FHIT: variants seen among roughly 807,000 people sequenced by gnomAD.
The protein encoded by FHIT is bis(5'-adenosyl)-triphosphatase.
In FHIT, 19 loss-of-function variants were observed where a neutral mutation model predicts 17.9. That is an observed-to-expected ratio of 1.06 (90% CI 0.74 to 1.56). FHIT has a LOEUF of 1.56. FHIT is among the 40% of genes most tolerant of loss of function. FHIT has a pLI of 0.00. For synonymous variants in FHIT, 81 were observed against 69.7 expected (o/e 1.16, Z -0.81); for missense variants, 248 against 189.2 (o/e 1.31, Z -1.82).
At chr3:60,089,920 A>G (rs1488224066) in intron 5 of FHIT, among the ~76,000 whole-genome samples, 1 of 152,228 alleles carries the variant, frequency 6.6e-6, no homozygotes. Flanking sequence ...CTTAGAGATG[A>G]CAGAATAACG....
chr3:60,312,361 C>T (rs536803906), intron 5 of FHIT, among the ~76,000 whole-genome samples: 38 of 152,102 alleles, frequency 2.5e-4, no homozygotes, highest in African/African-American at 7.9e-4. Flanking sequence ...AGGCTGGTCT[C>T]GAACTCCTGA....
chr3:60,216,554 T>C (rs116516837), intron 5 of FHIT, among the ~76,000 whole-genome samples: 1,561 of 152,286 alleles, frequency 0.01, 24 homozygotes, highest in African/African-American at 0.035. Context: ...ACAAACCATT[T>C]AGAAAATGAT....
chr3:60,312,959 A>G (rs1002865757), intron 5 of FHIT, among the ~76,000 whole-genome samples: 2 of 152,236 alleles, frequency 1.3e-5, no homozygotes, highest in African/African-American at 2.4e-5. Context: ...AATGACACGC[A>G]TGAGACCGAG....
At chr3:60,067,856 T>A (rs1028711878) in intron 5 of FHIT, among the ~76,000 whole-genome samples, 1 of 152,180 alleles carries the variant, frequency 6.6e-6, no homozygotes, top group Non-Finnish European at 1.5e-5. Context: ...GACTAACAGT[T>A]TGAAGGGCAA....
rs143044351 is a variant in FHIT, at chr3:60,801,806, G to C, written c.-18+20113C>G. Among the ~76,000 whole-genome samples the C allele has an allele frequency of 6.1e-3, 932 of 152,212 alleles. 4 individuals carry two copies. Among genetic ancestry groups the C allele is most frequent in the African/African-American group, 0.022 (898 of 41,536 alleles). On this transcript the variant is annotated intron_variant, in intron 4 of 9. Transcript: ENST00000492590. ...TCTCTCATGAAAGCCTGATACGGTAGGCTCTATATACATACTGGTGATGAT... is the reference window on the plus strand; with the variant it reads ...TCTCTCATGAAAGCCTGATACGGTACGCTCTATATACATACTGGTGATGAT...
At chr3:59,957,922 A>T (rs1422572406) in intron 7 of FHIT, among the ~76,000 whole-genome samples, 1 of 152,268 alleles carries the variant, frequency 6.6e-6, no homozygotes, top group Admixed American at 6.5e-5. Flanking sequence ...AGAATATTAG[A>T]TTAATACTTC....
intron 2 of FHIT, among the ~76,000 whole-genome samples, chr3:61,046,754 G>A (rs2033807899): frequency 6.6e-6 from 1 of 152,152 alleles, no homozygotes; most frequent in African/African-American, 2.4e-5. Flanking sequence ...TAAAATACTG[G>A]CAAACTGAAT....
Position 60,525,517 on chromosome 3 carries a change from T to C in FHIT, c.103+11343A>G, listed in dbSNP as rs138506274. Reference sequence around the variant, plus strand: ...ATCTCAACTTAGTGGGAGAAAGACGTGCTACCATTATATTCTTTGCCATTA... The same window carrying C: ...ATCTCAACTTAGTGGGAGAAAGACGCGCTACCATTATATTCTTTGCCATTA... On this transcript the variant is annotated intron_variant, in intron 5 of 9. Transcript: ENST00000492590. Among the ~76,000 whole-genome samples the C allele has an allele frequency of 3.9e-5, 6 of 152,310 alleles. No individual in the cohort carries two copies. The East Asian group carries it at 1.2e-3, about 29-fold the overall frequency.
chr3:60,755,389 A>G (rs550293554), intron 4 of FHIT, among the ~76,000 whole-genome samples: 3 of 152,204 alleles, frequency 2.0e-5, no homozygotes, highest in Non-Finnish European at 2.9e-5. Context: ...CGATCTTCCA[A>G]TGTTTTAAGA....
chr3:60,515,617 T>A (rs2035124413), intron 5 of FHIT, among the ~76,000 whole-genome samples: 1 of 128,202 alleles, frequency 7.8e-6, no homozygotes, highest in Admixed American at 7.3e-5. Flanking sequence ...AGAGAAACTT[T>A]AAGAAAACTT....
intron 3 of FHIT, among the ~76,000 whole-genome samples, chr3:60,910,870 G>A (rs546681425): frequency 6.6e-6 from 1 of 152,286 alleles, no homozygotes; most frequent in African/African-American, 2.4e-5. Context: ...ACCCATAACA[G>A]AAGCCAGTGT....
intron 4 of FHIT, among the ~76,000 whole-genome samples, chr3:60,618,902 G>C (rs543460647): frequency 1.3e-5 from 2 of 152,034 alleles, no homozygotes; most frequent in Non-Finnish European, 2.9e-5. Context: ...GAATGCAGGG[G>C]GCCACAAAGA....
chr3:59,868,659 G>A (rs1390572207), intron 8 of FHIT, among the ~76,000 whole-genome samples: 1 of 152,184 alleles, frequency 6.6e-6, no homozygotes, highest in East Asian at 1.9e-4. Context: ...CCTGAACTCA[G>A]TGGCATTCAG....
chr3:60,275,171 T>C (rs189339810), intron 5 of FHIT, among the ~76,000 whole-genome samples: 9 of 150,134 alleles, frequency 6.0e-5, no homozygotes, highest in African/African-American at 2.3e-4. Flanking sequence ...TTTTCATTAC[T>C]GTTTTCATTA....
At chr3:61,031,739 A>G (rs1389218695) in intron 3 of FHIT, among the ~76,000 whole-genome samples, 1 of 152,194 alleles carries the variant, frequency 6.6e-6, no homozygotes, top group African/African-American at 2.4e-5. Flanking sequence ...AAATGCCATC[A>G]TCAGCTTCAA....
intron 4 of FHIT, among the ~76,000 whole-genome samples, chr3:60,760,617 T>G (rs1699614963): frequency 6.6e-6 from 1 of 151,676 alleles, no homozygotes; most frequent in Admixed American, 6.6e-5. Flanking sequence ...TTTCTCTACT[T>G]AGCCCATGAG....
chr3:60,904,272 T>C (rs1291681720), intron 3 of FHIT, among the ~76,000 whole-genome samples: 1 of 152,170 alleles, frequency 6.6e-6, no homozygotes, highest in Non-Finnish European at 1.5e-5. Context: ...GCTTCTCCAT[T>C]TTCTCCTTTT....
At chr3:61,236,809 C>G (rs2040241013) in intron 1 of FHIT, among the ~76,000 whole-genome samples, 1 of 152,130 alleles carries the variant, frequency 6.6e-6, no homozygotes, top group South Asian at 2.1e-4. Flanking sequence ...CTCTCTGCTC[C>G]CTGCTGACCC....
At chr3:60,123,108 A>T (rs1705333482) in intron 5 of FHIT, among the ~76,000 whole-genome samples, 1 of 152,222 alleles carries the variant, frequency 6.6e-6, no homozygotes, top group Admixed American at 6.5e-5. Flanking sequence ...ATATTAAAGT[A>T]GGCTTAAGCA....
Sources: gnomAD v4.1 joint callset for allele counts (sites outside exome capture counted in the v4.1 genomes callset) on GRCh38, gnomAD v4.1.1 for gene constraint, MANE v1.5 for transcripts, NCBI Gene and HGNC (gene_info 2026-07-23, HGNC 2026-07-21) for gene names.